Variants in EDAR observed in about 807,000 individuals in gnomAD.
EDAR encodes the protein tumor necrosis factor receptor superfamily member EDAR.
Under a neutral mutation model 51.3 loss-of-function variants are expected in EDAR, and 38 were observed. The ratio of observed to expected loss-of-function variants is 0.74; its 90% CI spans 0.57 to 0.97. EDAR has a LOEUF of 0.97. EDAR is among the 50% of genes least tolerant of loss of function. The probability of loss-of-function intolerance (pLI) is 0.00; values close to 1 mark genes in which losing one functional copy is unlikely to be tolerated. For synonymous variants in EDAR, 227 were observed against 242.1 expected (o/e 0.94, Z 0.58); for missense variants, 528 against 595.0 (o/e 0.89, Z 1.17).
Position 108,897,195 on chromosome 2 carries a change from G to T in EDAR, c.1059C>A (p.Leu353=). 11 of 1,613,704 alleles carry T rather than the reference G, an allele frequency of 6.8e-6. No individual in the cohort carries two copies. The highest frequency in any genetic ancestry group is 9.3e-6 in the Non-Finnish European group (11 of 1,180,026). ...LSPTELPFDC[L]EKTSRMLSST... is the part of the protein sequence containing the mutation. The stretch of plus-strand genomic sequence containing the variant: ...AGCTGAGCATTCGGCTAGTCTTCTC[G>T]AGGCAATCAAATGGCAGCTCCGTGG... Residue 353 remains leucine (L), a synonymous_variant, in exon 12 of 12, where the codon CTC becomes CTA. Coordinates refer to ENST00000258443, the MANE Select transcript of EDAR (RefSeq NM_022336.4).
chr2:108,985,497 CCT>C (rs1414491370), intron 1 of EDAR, among the ~76,000 whole-genome samples: 2 of 152,214 alleles, frequency 1.3e-5, no homozygotes, highest in Non-Finnish European at 2.9e-5. Context: ...TTTCCATAGT[CCT>C]CTGTTTTCTC....
chr2:108,982,792 G>A (rs538241815), intron 1 of EDAR, among the ~76,000 whole-genome samples: 1 of 152,222 alleles, frequency 6.6e-6, no homozygotes, highest in African/African-American at 2.4e-5. Context: ...CTTTGGTTAC[G>A]TCTGCCCGTA....
intron 1 of EDAR, among the ~76,000 whole-genome samples, chr2:108,947,628 G>A (rs1430731274): frequency 1.3e-5 from 2 of 152,204 alleles, no homozygotes; most frequent in African/African-American, 4.8e-5. Context: ...CAAGGCTTGG[G>A]ACTTGCACCC....
At chr2:108,905,487 A>G (rs1057178176) in intron 11 of EDAR, among the ~76,000 whole-genome samples, 1 of 138,584 alleles carries the variant, frequency 7.2e-6, no homozygotes, top group Non-Finnish European at 1.5e-5. Flanking sequence ...TGGATCAGAA[A>G]GCCTGCCAGG....
At chr2:108,898,774 A>G (rs943638062) in intron 11 of EDAR, among the ~76,000 whole-genome samples, 7 of 152,238 alleles carry the variant, frequency 4.6e-5, no homozygotes, top group African/African-American at 1.7e-4. Context: ...TAGAACTACA[A>G]AAGTACAATA....
chr2:108,982,205 CAG>C (rs1698431706), intron 1 of EDAR, among the ~76,000 whole-genome samples: 1 of 152,220 alleles, frequency 6.6e-6, no homozygotes, highest in African/African-American at 2.4e-5. Flanking sequence ...ACAGCAAATG[CAG>C]TGGCCTCTCT....
chr2:108,958,648 G>A (rs1169263423), intron 1 of EDAR, among the ~76,000 whole-genome samples: 2 of 152,192 alleles, frequency 1.3e-5, no homozygotes, highest in Non-Finnish European at 2.9e-5. Flanking sequence ...CCAGGAGTCA[G>A]TCTCTGTAGT....
intron 4 of EDAR, among the ~76,000 whole-genome samples, chr2:108,924,351 G>A (rs919846622): frequency 1.4e-4 from 22 of 152,180 alleles, no homozygotes; most frequent in Admixed American, 7.2e-4. Flanking sequence ...CTCCCAGCTC[G>A]GGCGCCTTCC....
At chr2:108,951,713 C>T (rs1697830978) in intron 1 of EDAR, among the ~76,000 whole-genome samples, 1 of 152,084 alleles carries the variant, frequency 6.6e-6, no homozygotes, top group South Asian at 2.1e-4. Flanking sequence ...CTAGATCATT[C>T]TAAAGGTTCT....
chr2:108,948,335 C>A (rs1416556638), intron 1 of EDAR, among the ~76,000 whole-genome samples: 2 of 152,234 alleles, frequency 1.3e-5, no homozygotes, highest in Non-Finnish European at 2.9e-5. Context: ...TTCCTGTCTT[C>A]TTCTGAGCTT....
chr2:108,974,497 C>CA (rs1047035992), intron 1 of EDAR, among the ~76,000 whole-genome samples: 10 of 151,514 alleles, frequency 6.6e-5, no homozygotes, highest in Non-Finnish European at 1.0e-4. Context: ...TTTGGGAGGC[C>CA]AAGGGGGGTG....
At position 108,976,122 on chromosome 2, in the gene EDAR, G is replaced by A. The variant is rs79571723; in HGVS notation, c.-19+12838C>T. 5.9e-5 allele frequency among the ~76,000 whole-genome samples: 9 copies of A among 152,230 alleles called. No individual in the cohort carries two copies. The East Asian group carries it at 1.5e-3, about 26-fold the overall frequency. ...CAGATGTCCTTAGTTTTCTCCTAACGTTCTTTTTCTGTTCCAGGATCCCAT... is the reference window on the plus strand; with the variant it reads ...CAGATGTCCTTAGTTTTCTCCTAACATTCTTTTTCTGTTCCAGGATCCCAT... On this transcript the variant is annotated intron_variant, in intron 1 of 11. Transcript: ENST00000258443.
At chr2:108,978,809 G>C (rs1409894124) in intron 1 of EDAR, among the ~76,000 whole-genome samples, 2 of 152,150 alleles carry the variant, frequency 1.3e-5, no homozygotes, top group African/African-American at 4.8e-5. Flanking sequence ...CTGAAAGCAG[G>C]AGGGCACCAA....
At chr2:108,897,938 T>C (rs1696630796) in intron 11 of EDAR, among the ~76,000 whole-genome samples, 1 of 152,110 alleles carries the variant, frequency 6.6e-6, no homozygotes, top group African/African-American at 2.4e-5. Flanking sequence ...AGGATGGTGA[T>C]GGTGGTAAGT....
chr2:108,907,682 G>T (rs1457753632), intron 10 of EDAR, among the ~76,000 whole-genome samples, 178 bp downstream of exon 10: 1 of 151,970 alleles, frequency 6.6e-6, no homozygotes, highest in Non-Finnish European at 1.5e-5. Flanking sequence ...AAACGAAAGG[G>T]TTTTTTTCCC....
intron 6 of EDAR, 80 bp from the exon 7 acceptor site, chr2:108,911,152 AGCAATGGCCCT>A: frequency 6.4e-7 from 1 of 1,555,472 alleles, no homozygotes; most frequent in Non-Finnish European, 8.9e-7. Context: ...GGCCCCTGGA[AGCAATGGCCCT>A]GCCCCTGGGA....
At chr2:108,969,194 C>A (rs1574411051) in intron 1 of EDAR, among the ~76,000 whole-genome samples, 2 of 152,124 alleles carry the variant, frequency 1.3e-5, no homozygotes, top group Non-Finnish European at 2.9e-5. Flanking sequence ...AGCAGCTGAA[C>A]CCTGGCTTTG....
chr2:108,930,693 A>ACAGGGCTGTGTGTATCACAC (rs1175523802), intron 2 of EDAR, among the ~76,000 whole-genome samples: 3 of 152,164 alleles, frequency 2.0e-5, no homozygotes, highest in African/African-American at 7.2e-5. Flanking sequence ...TCACATAGAC[A>ACAGGGCTGTGTGTATCACAC]CAGGGCTGTG....
chr2:108,985,216 A>G lies in EDAR; in HGVS notation c.-19+3744T>C, dbSNP rs183688224. Among the ~76,000 whole-genome samples the G allele has an allele frequency of 1.1e-4, 17 of 152,348 alleles. No individual in the cohort carries two copies. In the East Asian group the frequency reaches 3.3e-3, roughly 29 times the overall value. On this transcript the variant is annotated intron_variant, in intron 1 of 11. Coordinates refer to ENST00000258443, the MANE Select transcript of EDAR (RefSeq NM_022336.4). ...CTATTGAATGGTATCAGTTAACAAC[A>G]TCAGCCTTAAGCCCACCACTAAGCT...
Sources: gnomAD v4.1 joint callset for allele counts (sites outside exome capture counted in the v4.1 genomes callset) on GRCh38, gnomAD v4.1.1 for gene constraint, MANE v1.5 for transcripts, NCBI Gene and HGNC (gene_info 2026-07-23, HGNC 2026-07-21) for gene names.